Variants in ERO1A observed in about 807,000 individuals in gnomAD.
ERO1A encodes endoplasmic reticulum oxidoreductase 1 alpha, also known as ERO1-like protein alpha.
A neutral mutation model predicts 76.9 loss-of-function variants in ERO1A; 49 were observed. The ratio of observed to expected loss-of-function variants is 0.64; its 90% CI spans 0.51 to 0.81. ERO1A has a LOEUF of 0.81. Ranked by LOEUF, ERO1A falls within the 30% of genes least tolerant of loss-of-function variation. ERO1A has a pLI of 0.00. For missense variants in ERO1A, 448 were observed against 542.1 expected, an observed-to-expected ratio of 0.83 and a Z score of 1.72; for synonymous variants, 174 against 181.2, an observed-to-expected ratio of 0.96 and a Z score of 0.32.
At chr14:52,644,823 T>C (rs2039590195) in intron 15 of ERO1A, among the ~76,000 whole-genome samples, 1 of 152,078 alleles carries the variant, frequency 6.6e-6, no homozygotes, top group Admixed American at 6.5e-5. Context: ...CTCTCGATCA[T>C]GAAAAAAACA....
At chr14:52,670,312 C>A (rs1291060837) in intron 6 of ERO1A, among the ~76,000 whole-genome samples, 2 of 152,172 alleles carry the variant, frequency 1.3e-5, no homozygotes, top group East Asian at 3.8e-4. Flanking sequence ...AACAATTCAA[C>A]TTAGAAAAAG....
intron 6 of ERO1A, 95 bp downstream of exon 6, chr14:52,671,535 C>A: frequency 1.3e-6 from 1 of 795,890 alleles, no homozygotes; most frequent in South Asian, 2.0e-5. Flanking sequence ...GCTGGGACTA[C>A]AGGCACACCA....
Position 52,661,276 on chromosome 14 carries a change from TAATA to T in ERO1A, c.688+13_688+16del, listed in dbSNP as rs1566638698. ...TAAACAAATTCATATATGTAATATA[TAATA>T]AATTATACTTACCTTCACTTGTCCC... is the stretch of plus-strand genomic sequence containing the variant. On this transcript the variant is annotated intron_variant, in intron 9 of 15. Transcript: ENST00000395686. 1.8e-6 allele frequency: 2 copies of T among 1,102,792 alleles called. No homozygotes were observed. The highest frequency in any genetic ancestry group is 1.3e-6 in the Non-Finnish European group (1 of 786,236). The allele number at this position is 1,102,792 out of a possible 1,614,324, so 68.3% of individuals were successfully genotyped here. A position where few individuals can be genotyped will look rare whatever the true frequency, so the allele number is the denominator to read the frequency against.
rs773034970 is a variant in ERO1A at position 52,683,865 on chromosome 14, T to C, written c.157A>G (p.Ile53Val). 7 of 1,589,252 alleles carry C rather than the reference T, an allele frequency of 4.4e-6. No homozygotes were observed. Among genetic ancestry groups the C allele is most frequent in the Non-Finnish European group, 6.0e-6 (7 of 1,162,386 alleles). ...LDDCTCDVET[I>V]DRFNNYRLFP... The stretch of plus-strand genomic sequence containing the variant: ...AGCCTGTAGTTATTAAATCTATCAA[T>C]GGTTTCAACATCACAGGTACAATCA... Residue 53 changes from isoleucine to valine, a missense_variant, in exon 2 of 16, where the codon ATT (isoleucine) becomes GTT (valine). Physicochemically the swap from Ile to Val is conservative, Grantham distance 29. Transcript: ENST00000395686.
intron 15 of ERO1A, among the ~76,000 whole-genome samples, chr14:52,645,401 C>T (rs1236718128): frequency 6.7e-6 from 1 of 148,954 alleles, no homozygotes; most frequent in Non-Finnish European, 1.5e-5. Flanking sequence ...CTCCCGGGTT[C>T]AAGCGATTCT....
intron 1 of ERO1A, among the ~76,000 whole-genome samples, chr14:52,686,653 G>A (rs1478007922): frequency 3.3e-5 from 5 of 152,100 alleles, no homozygotes; most frequent in Non-Finnish European, 7.4e-5. Context: ...CGAGGCAGGC[G>A]GATCACAAGG....
intron 1 of ERO1A, among the ~76,000 whole-genome samples, chr14:52,686,383 C>A (rs2041176873): frequency 6.6e-6 from 1 of 152,112 alleles, no homozygotes; most frequent in Non-Finnish European, 1.5e-5. Context: ...GAGGCAGAAA[C>A]ACACATAGCA....
In ERO1A at chr14:52,663,839, G is replaced by T; in HGVS notation, c.638C>A (p.Thr213Lys). 6.4e-7 allele frequency: 1 copy of T among 1,555,804 alleles called. No individual in the cohort carries two copies. Among genetic ancestry groups the T allele is most frequent in the Non-Finnish European group, 8.8e-7 (1 of 1,131,482 alleles). Residue 213 changes from threonine (T) to lysine (K), a missense_variant, in exon 8 of 16, where the codon ACA becomes AAA. By Grantham distance (78) the Thr-to-Lys change is moderately conservative. Coordinates refer to ENST00000395686, the MANE Select transcript of ERO1A (RefSeq NM_014584.3). ...CAAAGGATTTAAAGGTCTTTTAATT[G>T]TCTGTGGCCTAGAAGTAAAAAGAAT... is the stretch of plus-strand genomic sequence containing the variant. The part of the protein sequence containing the change: ...IYEENCFKPQ[T>K]IKRPLNPLAS...
intron 4 of ERO1A, among the ~76,000 whole-genome samples, chr14:52,675,974 C>G (rs1213576208): frequency 6.6e-6 from 1 of 152,180 alleles, no homozygotes; most frequent in African/African-American, 2.4e-5. Context: ...CATGAACTAC[C>G]ATGTCCATCC....
At chr14:52,693,541 G>A (rs966400114) in intron 1 of ERO1A, among the ~76,000 whole-genome samples, 6 of 152,016 alleles carry the variant, frequency 3.9e-5, no homozygotes, top group South Asian at 2.1e-4. Context: ...TAGAGAACCC[G>A]GACTAATACA....
chr14:52,654,921 T>C (rs747159769), intron 11 of ERO1A, among the ~76,000 whole-genome samples: 1 of 152,228 alleles, frequency 6.6e-6, no homozygotes, highest in Non-Finnish European at 1.5e-5. Context: ...TTGGTATTTA[T>C]TTAATGCATT....
intron 1 of ERO1A, among the ~76,000 whole-genome samples, chr14:52,685,767 C>T (rs759062206): frequency 1.3e-5 from 2 of 152,154 alleles, no homozygotes; most frequent in Non-Finnish European, 2.9e-5. Flanking sequence ...CCTTACCACC[C>T]GCTGGGTTAA....
intron 13 of ERO1A, among the ~76,000 whole-genome samples, chr14:52,651,048 C>T (rs1408965323): frequency 2.0e-5 from 3 of 151,050 alleles, no homozygotes; most frequent in African/African-American, 4.9e-5. Context: ...GTGGGAGGAC[C>T]GCTTGAGCCC....
chr14:52,649,490 TTC>T (rs2039778982), intron 13 of ERO1A, among the ~76,000 whole-genome samples: 2 of 152,142 alleles, frequency 1.3e-5, no homozygotes, highest in Non-Finnish European at 2.9e-5. Context: ...TTCAGAAAAA[TTC>T]TGTTACATCA....
chr14:52,668,149 A>G (rs1213343390), intron 6 of ERO1A, among the ~76,000 whole-genome samples: 1 of 152,244 alleles, frequency 6.6e-6, no homozygotes, highest in African/African-American at 2.4e-5. Context: ...GCATGGAATC[A>G]TCTAGTTCAG....
At chr14:52,676,751 T>C (rs1566644202) in intron 4 of ERO1A, among the ~76,000 whole-genome samples, 2 of 151,998 alleles carry the variant, frequency 1.3e-5, no homozygotes, top group Admixed American at 6.6e-5. Flanking sequence ...TACAAAGTAT[T>C]TGGCTGAGTG....
Position 52,671,836 on chromosome 14 carries a change from A to G in ERO1A, c.393T>C (p.Cys131=), listed in dbSNP as rs1594829328. ...CTGCTCCAAGTCGTTCAGCTTGTTCACATTCTTCAATGAGATTATTGGCTT... is the reference window on the plus strand; with the variant it reads ...CTGCTCCAAGTCGTTCAGCTTGTTCGCATTCTTCAATGAGATTATTGGCTT... ...SEEANNLIEE[C]EQAERLGAVD... The change falls in exon 5 of 16, where the codon TGT becomes TGC. Residue 131 remains cysteine (C), a synonymous_variant. Coordinates refer to ENST00000395686, the MANE Select transcript of ERO1A (RefSeq NM_014584.3). 12 of 1,607,814 alleles carry G rather than the reference A, an allele frequency of 7.5e-6. No homozygotes were observed. The East Asian group carries it at 2.7e-4, about 36-fold the overall frequency.
chr14:52,686,978 G>C (rs1294307810), intron 1 of ERO1A, among the ~76,000 whole-genome samples: 1 of 152,168 alleles, frequency 6.6e-6, no homozygotes, highest in Non-Finnish European at 1.5e-5. Context: ...AGGGTGGCAG[G>C]AGTTTCAATG....
intron 1 of ERO1A, among the ~76,000 whole-genome samples, chr14:52,688,131 A>G (rs556408362): frequency 6.6e-6 from 1 of 152,086 alleles, no homozygotes; most frequent in Non-Finnish European, 1.5e-5. Context: ...GGCTGCAGTG[A>G]GCCATAATCA....
Sources: gnomAD v4.1 joint callset for allele counts (sites outside exome capture counted in the v4.1 genomes callset) on GRCh38, gnomAD v4.1.1 for gene constraint, MANE v1.5 for transcripts, NCBI Gene and HGNC (gene_info 2026-07-23, HGNC 2026-07-21) for gene names.